FAM24B: variants seen among roughly 807,000 people sequenced by gnomAD.
The protein encoded by FAM24B is family with sequence similarity 24 member B.
A neutral mutation model predicts 2.3 loss-of-function variants in FAM24B; 3 were observed. That is an observed-to-expected ratio of 1.29 (90% CI 0.59 to 3.32). The LOEUF (loss-of-function observed/expected upper bound fraction) is 3.32, where lower values mean the gene tolerates loss of function less well. FAM24B is among the 30% of genes most tolerant of loss of function. FAM24B has a pLI of 0.03. For synonymous variants in FAM24B, 36 were observed against 46.3 expected (o/e 0.78, Z 0.90); for missense variants, 98 against 117.2 (o/e 0.84, Z 0.76).
chr10:122,864,671 A>G (rs1411663252), intron 1 of FAM24B, among the ~76,000 whole-genome samples: 7 of 152,178 alleles, frequency 4.6e-5, no homozygotes, highest in Non-Finnish European at 8.8e-5. Context: ...ATAGTATCAC[A>G]TGCAGATTAA....
chr10:122,865,018 A>G (rs1036871879), intron 1 of FAM24B, among the ~76,000 whole-genome samples: 3 of 152,220 alleles, frequency 2.0e-5, no homozygotes, highest in African/African-American at 7.2e-5. Context: ...TAAAGCCACT[A>G]TAAAAATTCA....
chr10:122,854,355 G>C (rs1057227080), intron 2 of FAM24B, among the ~76,000 whole-genome samples: 2 of 152,072 alleles, frequency 1.3e-5, no homozygotes, highest in Non-Finnish European at 2.9e-5. Context: ...GACTCCCTTG[G>C]GTCACACAGC....
At chr10:122,852,400 T>A (rs1331589640) in intron 2 of FAM24B, among the ~76,000 whole-genome samples, 1 of 152,030 alleles carries the variant, frequency 6.6e-6, no homozygotes, top group Non-Finnish European at 1.5e-5. Context: ...AGGGCCCAAT[T>A]TTGTTTTGTT....
chr10:122,863,363 T>C (rs1214538834), intron 1 of FAM24B, among the ~76,000 whole-genome samples: 1 of 152,076 alleles, frequency 6.6e-6, no homozygotes, highest in Non-Finnish European at 1.5e-5. Flanking sequence ...AACATGGACA[T>C]ATGGAGGTTA....
intron 1 of FAM24B, among the ~76,000 whole-genome samples, chr10:122,872,957 TA>T (rs1847920906): frequency 6.6e-6 from 1 of 151,488 alleles, no homozygotes; most frequent in Non-Finnish European, 1.5e-5. Flanking sequence ...TAAAATAAAA[TA>T]AAAAAAGAAC....
At chr10:122,874,828 T>C (rs1847953917) in intron 1 of FAM24B, among the ~76,000 whole-genome samples, 2 of 152,206 alleles carry the variant, frequency 1.3e-5, no homozygotes, top group South Asian at 4.1e-4. Context: ...TTTTTTGCAA[T>C]TTTTAAGCTC....
At chr10:122,865,682 T>C (rs972673014) in intron 1 of FAM24B, among the ~76,000 whole-genome samples, 2 of 152,162 alleles carry the variant, frequency 1.3e-5, no homozygotes, top group Non-Finnish European at 2.9e-5. Flanking sequence ...TAAAACTGCA[T>C]AAAATTTGTA....
At chr10:122,860,701 G>A (rs1422260315) in intron 1 of FAM24B, among the ~76,000 whole-genome samples, 2 of 151,942 alleles carry the variant, frequency 1.3e-5, no homozygotes, top group African/African-American at 4.8e-5. Context: ...GGACTTTTTT[G>A]TTTGCTTGCT....
intron 2 of FAM24B, among the ~76,000 whole-genome samples, chr10:122,852,302 G>A (rs1363906715): frequency 6.6e-6 from 1 of 152,206 alleles, no homozygotes; most frequent in Non-Finnish European, 1.5e-5. Flanking sequence ...GCCATTGCCA[G>A]AGCCAGCAAC....
chr10:122,857,010 A>T (rs1348338550), intron 1 of FAM24B, among the ~76,000 whole-genome samples: 1 of 152,174 alleles, frequency 6.6e-6, no homozygotes, highest in Non-Finnish European at 1.5e-5. Flanking sequence ...TGATTGTAGG[A>T]ATGAGGTTCC....
At chr10:122,850,336 A>G (rs1433282512) in intron 3 of FAM24B, 88 bp downstream of exon 3, 3 of 1,063,002 alleles carry the variant, frequency 2.8e-6, no homozygotes, top group Non-Finnish European at 4.4e-6. Flanking sequence ...TCCAACAGGA[A>G]GCCCAGGTAT....
At chr10:122,866,586 C>G (rs1033927050) in intron 1 of FAM24B, among the ~76,000 whole-genome samples, 2 of 152,008 alleles carry the variant, frequency 1.3e-5, no homozygotes, top group African/African-American at 4.8e-5. Context: ...TTTGGTAATT[C>G]TTACAATATT....
In FAM24B at chr10:122,849,261, T is replaced by A. The variant is rs1847484773; in HGVS notation, c.271A>T (p.Asn91Tyr). The A allele has an allele frequency of 6.4e-7, 1 of 1,569,754 alleles. No homozygotes were observed. Reference protein sequence around the residue: ...DSLPPCCCDINEGL With the variant: ...DSLPPCCCDIYEGL ...CCTTTCCTAACTCAGAGGCCCTCAT[T>A]TATGTCGCAACAGCAAGGTGGCAGG... The change falls in exon 4 of 4, where the codon AAT (asparagine) becomes TAT (tyrosine). Residue 91 changes from asparagine (N) to tyrosine (Y), a missense_variant. By Grantham distance (143) the Asn-to-Tyr change is moderately radical. Coordinates refer to ENST00000368898, the MANE Select transcript of FAM24B (RefSeq NM_152644.3).
intron 1 of FAM24B, among the ~76,000 whole-genome samples, chr10:122,877,502 C>T (rs1406722444): frequency 6.6e-6 from 1 of 152,136 alleles, no homozygotes; most frequent in Non-Finnish European, 1.5e-5. Flanking sequence ...AAAGATATCT[C>T]AAAAGGCCAG....
intron 2 of FAM24B, among the ~76,000 whole-genome samples, chr10:122,854,236 C>T (rs1299781078): frequency 3.3e-5 from 5 of 152,192 alleles, no homozygotes; most frequent in Non-Finnish European, 5.9e-5. Flanking sequence ...TTAACTACTT[C>T]CAATGTGTTT....
intron 1 of FAM24B, among the ~76,000 whole-genome samples, chr10:122,876,335 G>A (rs1009826972): frequency 6.6e-6 from 1 of 152,180 alleles, no homozygotes. Context: ...CCTTTCCCTA[G>A]AACAGATAAG....
At position 122,868,859 on chromosome 10, in the gene FAM24B, G is replaced by A. The variant is rs1030695880; in HGVS notation, c.-178+10626C>T. 1.3e-5 allele frequency among the ~76,000 whole-genome samples: 2 copies of A among 152,172 alleles called. 1 individual carries two copies. The highest frequency in any genetic ancestry group is 4.8e-5 in the African/African-American group (2 of 41,428). ...AAACTGTAAAGACCATCAAGGCTAG[G>A]AAGAAGCTGCATCAACTATCGAGCA... On this transcript the variant is annotated intron_variant, in intron 1 of 3. Transcript: ENST00000368898.
At chr10:122,871,518 G>A (rs971580921) in intron 1 of FAM24B, among the ~76,000 whole-genome samples, 38 of 151,244 alleles carry the variant, frequency 2.5e-4, no homozygotes, top group Non-Finnish European at 4.0e-4. Context: ...GAGGCATCAC[G>A]CTACCTGACT....
At position 122,849,222 on chromosome 10, in the gene FAM24B, G is replaced by A. The variant is rs150242478; in HGVS notation, c.*25C>T. 5.0e-3 allele frequency: 7,561 copies of A among 1,508,240 alleles called. 28 individuals carry two copies. Among genetic ancestry groups the A allele is most frequent in the Non-Finnish European group, 6.1e-3 (6,830 of 1,122,920 alleles). The allele number at this position is 1,508,240 out of a possible 1,614,324, so 93.4% of individuals were successfully genotyped here. On this transcript the variant is annotated 3_prime_UTR_variant, in exon 4 of 4. Coordinates refer to ENST00000368898, the MANE Select transcript of FAM24B (RefSeq NM_152644.3). ...TCTACTAAGAAGTATTGCTCATGAA[G>A]ATTTTTGTGCCCACCTTTCCTAACT...
Sources: gnomAD v4.1 joint callset for allele counts (sites outside exome capture counted in the v4.1 genomes callset) on GRCh38, gnomAD v4.1.1 for gene constraint, MANE v1.5 for transcripts, NCBI Gene and HGNC (gene_info 2026-07-23, HGNC 2026-07-21) for gene names.